The following TOX2 variants were observed in gnomAD, a reference collection of about 807,000 sequenced individuals.
The protein encoded by TOX2 is TOX high mobility group box family member 2.
TOX2 carries 15 observed loss-of-function variants against 47.4 expected under a neutral mutation model. The observed-to-expected ratio is 0.32, with a 90% CI of 0.21 to 0.49. TOX2 has a LOEUF of 0.49. Among genes scored for constraint, TOX2 ranks in the 20% least tolerant of loss-of-function variants. TOX2 has a pLI of 0.99. For missense variants in TOX2, 622 were observed against 673.1 expected (o/e 0.92, Z 0.84); for synonymous variants, 290 against 296.6 (o/e 0.98, Z 0.23).
intron 3 of TOX2, chr20:44,038,934 C>G (rs1250432577): frequency 2.5e-6 from 3 of 1,182,510 alleles, no homozygotes; most frequent in African/African-American, 3.2e-5. Context: ...ACAGCCGCCT[C>G]GTTCCTGCTG....
chr20:44,028,419 T>C (rs2071098186), intron 3 of TOX2, among the ~76,000 whole-genome samples: 1 of 152,210 alleles, frequency 6.6e-6, no homozygotes, highest in African/African-American at 2.4e-5. Context: ...TAACCTACTT[T>C]TCTGCTCCCA....
chr20:43,916,097 C>G lies in TOX2; in HGVS notation c.99+1107C>G. ...CGTCCGCCAGTCGGTGCGTCGGTCC[C>G]GGGCCGGCTGGAGCCAAGCGCGGGT... is the stretch of plus-strand genomic sequence containing the variant. On this transcript the variant is annotated intron_variant, in intron 1 of 8. Transcript: ENST00000341197. This position sits in a 1 kb window ranked among gnomAD's most constrained non-coding sequence, Gnocchi z 5.0. The G allele has an allele frequency of 2.0e-6, 2 of 984,658 alleles. No individual in the cohort carries two copies. Among genetic ancestry groups the G allele is most frequent in the South Asian group, 9.4e-5 (2 of 21,268 alleles). The allele number at this position is 984,658 out of a possible 1,614,324, so 61.0% of individuals were successfully genotyped here. A position where few individuals can be genotyped will look rare whatever the true frequency, so the allele number is the denominator to read the frequency against.
intron 1 of TOX2, among the ~76,000 whole-genome samples, chr20:43,923,102 G>A (rs1450591232): frequency 6.6e-6 from 1 of 152,116 alleles, no homozygotes; most frequent in Non-Finnish European, 1.5e-5. Flanking sequence ...AGAGGGAGCA[G>A]CCATTGTAGG....
chr20:44,013,757 T>C (rs539511768), intron 3 of TOX2, among the ~76,000 whole-genome samples: 30 of 152,284 alleles, frequency 2.0e-4, no homozygotes, highest in African/African-American at 5.3e-4. Flanking sequence ...GATGGCCTTA[T>C]TGACATTGCA....
intron 3 of TOX2, among the ~76,000 whole-genome samples, chr20:44,009,454 G>A (rs914334578): frequency 7.9e-5 from 12 of 152,100 alleles, no homozygotes; most frequent in Non-Finnish European, 1.3e-4. Context: ...TTTTTTCCTC[G>A]TGGGTCCATC....
intron 3 of TOX2, among the ~76,000 whole-genome samples, chr20:44,034,174 C>T (rs578103125): frequency 3.3e-4 from 50 of 152,170 alleles, no homozygotes; most frequent in African/African-American, 1.1e-3. Context: ...TTGCATGTGC[C>T]GTTCTTGCTC....
intron 1 of TOX2, among the ~76,000 whole-genome samples, chr20:43,954,225 T>A (rs1315485862): frequency 6.6e-6 from 1 of 152,112 alleles, no homozygotes; most frequent in East Asian, 1.9e-4. Flanking sequence ...GGACTTTGCA[T>A]TGCTGCTCCC....
intron 2 of TOX2, among the ~76,000 whole-genome samples, chr20:43,982,834 G>A (rs1378331087): frequency 7.0e-6 from 1 of 143,620 alleles, no homozygotes; most frequent in Non-Finnish European, 1.5e-5. Context: ...GCAGTGGAGA[G>A]GGAGAAGGAT....
chr20:44,011,698 C>A (rs1000938022), intron 3 of TOX2, among the ~76,000 whole-genome samples: 1 of 152,216 alleles, frequency 6.6e-6, no homozygotes, highest in South Asian at 2.1e-4. Context: ...GTGCTTCAGG[C>A]GTTGTCTGCA....
At chr20:44,063,876 G>A (rs1193512973) in intron 5 of TOX2, among the ~76,000 whole-genome samples, 1 of 152,108 alleles carries the variant, frequency 6.6e-6, no homozygotes, top group African/African-American at 2.4e-5. Flanking sequence ...GGATGGAATT[G>A]GAGACAATTA....
intron 3 of TOX2, among the ~76,000 whole-genome samples, chr20:44,022,044 G>A (rs768080410): frequency 3.5e-4 from 53 of 152,326 alleles, no homozygotes; most frequent in African/African-American, 8.7e-4. Context: ...AGCACGTGGC[G>A]GAAGGCCCGT....
intron 3 of TOX2, among the ~76,000 whole-genome samples, chr20:44,017,147 G>T (rs1417869458): frequency 1.3e-5 from 2 of 152,218 alleles, no homozygotes; most frequent in Non-Finnish European, 2.9e-5. Flanking sequence ...ATTACTGAAT[G>T]AATGGGAGAA....
At chr20:43,956,313 C>T (rs1054749046) in intron 1 of TOX2, among the ~76,000 whole-genome samples, 5 of 152,194 alleles carry the variant, frequency 3.3e-5, no homozygotes. Flanking sequence ...TCAGTCCTAG[C>T]ACTTTGGGAG....
intron 8 of TOX2, among the ~76,000 whole-genome samples, 168 bp downstream of exon 8, chr20:44,067,025 C>A (rs1210256581): frequency 6.6e-6 from 1 of 152,202 alleles, no homozygotes; most frequent in Admixed American, 6.5e-5. Context: ...CAGAGCCAGG[C>A]CCCGGAAGGA....
intron 2 of TOX2, among the ~76,000 whole-genome samples, chr20:44,005,311 C>T (rs1242559716): frequency 2.0e-5 from 3 of 152,184 alleles, no homozygotes; most frequent in African/African-American, 7.2e-5. Flanking sequence ...TTTCATATTT[C>T]CTTTTTGACC....
At chr20:43,982,349 C>T (rs2070183399) in intron 2 of TOX2, among the ~76,000 whole-genome samples, 1 of 152,068 alleles carries the variant, frequency 6.6e-6, no homozygotes, top group African/African-American at 2.4e-5. Context: ...TAATCCAGGG[C>T]AAGAGATCTG....
At chr20:43,962,646 C>T (rs1487995116) in intron 1 of TOX2, among the ~76,000 whole-genome samples, 1 of 152,204 alleles carries the variant, frequency 6.6e-6, no homozygotes, top group Non-Finnish European at 1.5e-5. Context: ...AGACTCTTGC[C>T]TTCAACAGGT....
intron 2 of TOX2, among the ~76,000 whole-genome samples, chr20:43,992,161 A>G (rs890169397): frequency 6.6e-6 from 1 of 152,188 alleles, no homozygotes; most frequent in Non-Finnish European, 1.5e-5. Flanking sequence ...AGCCAGCACC[A>G]AGGCCCCGCA....
intron 3 of TOX2, among the ~76,000 whole-genome samples, chr20:44,026,282 C>A: frequency 1.7e-5 from 2 of 117,552 alleles, no homozygotes; most frequent in African/African-American, 3.4e-5. Context: ...TACTACTCAG[C>A]CATAAAAAGG....
Sources: gnomAD v4.1 joint callset for allele counts (sites outside exome capture counted in the v4.1 genomes callset) on GRCh38, gnomAD v4.1.1 for gene constraint, Gnocchi (gnomAD v3.1) non-coding constraint, MANE v1.5 for transcripts, NCBI Gene and HGNC (gene_info 2026-07-23, HGNC 2026-07-21) for gene names.